Variants in ERG observed in about 807,000 individuals in gnomAD.
The protein encoded by ERG is ETS transcription factor ERG, also known as transcriptional regulator ERG.
Under a neutral mutation model 55.3 loss-of-function variants are expected in ERG, and 9 were observed. The observed-to-expected ratio is 0.16, with a 90% CI of 0.10 to 0.28. ERG has a LOEUF of 0.28. Ranked by LOEUF, ERG falls within the 10% of genes least tolerant of loss-of-function variation. ERG has a pLI of 1.00. For missense variants in ERG, 434 were observed against 631.6 expected, an observed-to-expected ratio of 0.69 and a Z score of 3.35; for synonymous variants, 223 against 237.3, an observed-to-expected ratio of 0.94 and a Z score of 0.55.
chr21:38,621,641 C>T (rs2060290953), intron 1 of ERG, among the ~76,000 whole-genome samples: 1 of 152,200 alleles, frequency 6.6e-6, no homozygotes, highest in South Asian at 2.1e-4. Context: ...CCATCATTTG[C>T]TACTGCAGCA....
chr21:38,454,076 A>G (rs1041732373), intron 1 of ERG, among the ~76,000 whole-genome samples: 2 of 152,132 alleles, frequency 1.3e-5, no homozygotes, highest in Non-Finnish European at 2.9e-5. Flanking sequence ...TACTCTTGAC[A>G]CTCAATACTT....
chr21:38,459,673 A>G (rs2059022930), intron 1 of ERG, among the ~76,000 whole-genome samples: 1 of 152,190 alleles, frequency 6.6e-6, no homozygotes, highest in Admixed American at 6.5e-5. Flanking sequence ...TGCCTCAGAG[A>G]AAGGCCATTT....
chr21:38,419,516 TAC>T (rs76492704), intron 3 of ERG, among the ~76,000 whole-genome samples: 17 of 150,828 alleles, frequency 1.1e-4, no homozygotes, highest in Admixed American at 6.6e-4. Flanking sequence ...AAAATACACA[TAC>T]ACACACACAC....
chr21:38,570,377 C>T (rs1202877182), intron 2 of ERG, among the ~76,000 whole-genome samples: 1 of 152,126 alleles, frequency 6.6e-6, no homozygotes, highest in Non-Finnish European at 1.5e-5. Context: ...GAGTATATAA[C>T]TTTTTTATGT....
intron 1 of ERG, among the ~76,000 whole-genome samples, chr21:38,457,162 CG>C (rs1477615124): frequency 2.6e-4 from 40 of 152,174 alleles, no homozygotes; most frequent in Admixed American, 2.6e-3. Flanking sequence ...CAAGCCTGGG[CG>C]GGGTGGCTCA....
intron 1 of ERG, among the ~76,000 whole-genome samples, chr21:38,447,014 A>G (rs375340221): frequency 6.6e-6 from 1 of 152,046 alleles, no homozygotes; most frequent in Non-Finnish European, 1.5e-5. Context: ...GCTTCCCATC[A>G]GTAATCACAC....
chr21:38,619,393 A>C (rs1323156873), intron 1 of ERG, among the ~76,000 whole-genome samples: 3 of 145,974 alleles, frequency 2.1e-5, no homozygotes, highest in Admixed American at 6.8e-5. Flanking sequence ...TATTCCTCTT[A>C]CTCCCTCCCC....
chr21:38,582,081 G>A (rs1299258175), intron 1 of ERG, among the ~76,000 whole-genome samples: 1 of 148,488 alleles, frequency 6.7e-6, no homozygotes, highest in African/African-American at 2.5e-5. Flanking sequence ...AGAGGCTCCT[G>A]TACTTGGAAT....
intron 2 of ERG, among the ~76,000 whole-genome samples, chr21:38,543,029 C>G (rs1319935181): frequency 6.6e-6 from 1 of 152,058 alleles, no homozygotes; most frequent in Non-Finnish European, 1.5e-5. Flanking sequence ...AAATTTAGCC[C>G]TACAGATGGG....
At chr21:38,566,818 T>G (rs1413306342) in intron 2 of ERG, among the ~76,000 whole-genome samples, 6 of 152,222 alleles carry the variant, frequency 3.9e-5, no homozygotes, top group Non-Finnish European at 7.3e-5. Context: ...ACACTTCAGG[T>G]GCTTGAACTG....
At chr21:38,423,724 A>G (rs533035556) in intron 2 of ERG, among the ~76,000 whole-genome samples, 163 bp from the exon 3 acceptor site, 4 of 152,306 alleles carry the variant, frequency 2.6e-5, no homozygotes, top group Non-Finnish European at 5.9e-5. Context: ...GCCGTGGCTC[A>G]TGCCTGTAGT....
chr21:38,470,925 G>A (rs1259548164), intron 1 of ERG: 1 of 152,226 alleles, frequency 6.6e-6, no homozygotes, highest in Non-Finnish European at 1.5e-5. Flanking sequence ...GGAGCCAGGG[G>A]AGGGTCGAGG....
At chr21:38,587,390 G>A (rs11700937), upstream of ERG, among the ~76,000 whole-genome samples, 28,471 of 146,864 alleles carry the variant, frequency 0.19, 2,922 homozygotes, top group Non-Finnish European at 0.22. Flanking sequence ...ACGGAGTCTC[G>A]CTCTGTCGCC....
At chr21:38,584,235 G>A (rs991762781) in intron 1 of ERG, among the ~76,000 whole-genome samples, 10 of 152,214 alleles carry the variant, frequency 6.6e-5, no homozygotes, top group African/African-American at 2.4e-4. Flanking sequence ...TCCCTGCGGT[G>A]CTTCTCCAGG....
intron 1 of ERG, among the ~76,000 whole-genome samples, chr21:38,461,970 A>G (rs555171439): frequency 8.7e-5 from 13 of 149,782 alleles, no homozygotes; most frequent in Non-Finnish European, 1.3e-4. Context: ...ATGCCTGGCT[A>G]ATTTTTTTTT....
intron 1 of ERG, among the ~76,000 whole-genome samples, chr21:38,652,632 G>C (rs913071482): frequency 2.0e-5 from 3 of 152,174 alleles, no homozygotes; most frequent in African/African-American, 4.8e-5. Context: ...CAAATGCTCA[G>C]ACAATGACTC....
chr21:38,512,962 C>G (rs1264435948), intron 2 of ERG, among the ~76,000 whole-genome samples: 2 of 151,986 alleles, frequency 1.3e-5, no homozygotes, highest in African/African-American at 2.4e-5. Flanking sequence ...GAAACCCTGT[C>G]TCTACTAAAA....
chr21:38,418,748 G>A (rs552073825), intron 3 of ERG, among the ~76,000 whole-genome samples: 5 of 151,796 alleles, frequency 3.3e-5, no homozygotes, highest in South Asian at 4.2e-4. Context: ...CAAACATGGC[G>A]AAACCCCATC....
At chr21:38,558,840 A>G (rs1429165135) in intron 2 of ERG, among the ~76,000 whole-genome samples, 1 of 152,272 alleles carries the variant, frequency 6.6e-6, no homozygotes, top group Non-Finnish European at 1.5e-5. Context: ...TCATAAAGGC[A>G]ATATTTGTGA....
Sources: gnomAD v4.1 joint callset for allele counts (sites outside exome capture counted in the v4.1 genomes callset) on GRCh38, gnomAD v4.1.1 for gene constraint, MANE v1.5 for transcripts, NCBI Gene and HGNC (gene_info 2026-07-23, HGNC 2026-07-21) for gene names.